GPR158: variants seen among roughly 807,000 people sequenced by gnomAD.
The protein encoded by GPR158 is G protein-coupled receptor 158, also known as metabotropic glycine receptor.
GPR158 carries 30 observed loss-of-function variants against 78.2 expected under a neutral mutation model. The ratio of observed to expected loss-of-function variants is 0.38; its 90% CI spans 0.29 to 0.52. The LOEUF is 0.52. Ranked by LOEUF, GPR158 falls within the 20% of genes least tolerant of loss-of-function variation. The probability of loss-of-function intolerance (pLI) is 0.83; values close to 1 mark genes in which losing one functional copy is unlikely to be tolerated. For synonymous variants in GPR158, 581 were observed against 591.1 expected, an observed-to-expected ratio of 0.98 and a Z score of 0.25; for missense variants, 1,463 against 1,523.5, an observed-to-expected ratio of 0.96 and a Z score of 0.66.
chr10:25,444,532 AGTG>A (rs1835113417), intron 4 of GPR158, among the ~76,000 whole-genome samples: 1 of 144,774 alleles, frequency 6.9e-6, no homozygotes, highest in African/African-American at 2.6e-5. Flanking sequence ...TGTGTGTGGA[AGTG>A]TGTGTGTGGT....
chr10:25,385,248 T>C (rs1834207175), intron 2 of GPR158, among the ~76,000 whole-genome samples: 1 of 152,192 alleles, frequency 6.6e-6, no homozygotes. Flanking sequence ...TTATTTCACC[T>C]AGCATAATGT....
At chr10:25,399,336 T>G (rs995980857) in intron 3 of GPR158, among the ~76,000 whole-genome samples, 14 of 152,172 alleles carry the variant, frequency 9.2e-5, no homozygotes, top group Non-Finnish European at 2.1e-4. Context: ...CCAAACCATA[T>G]CAGTGAGACA....
intron 2 of GPR158, among the ~76,000 whole-genome samples, chr10:25,222,617 G>A (rs1392922055): frequency 2.0e-5 from 3 of 152,158 alleles, no homozygotes; most frequent in African/African-American, 7.2e-5. Flanking sequence ...TTTCTAAGAT[G>A]TGAATTTCAA....
At chr10:25,254,999 C>T (rs1853872489) in intron 2 of GPR158, among the ~76,000 whole-genome samples, 1 of 152,136 alleles carries the variant, frequency 6.6e-6, no homozygotes, top group Non-Finnish European at 1.5e-5. Context: ...ATTCTTGCTG[C>T]AGGTTTTGTA....
chr10:25,386,697 T>G (rs1010984706), intron 2 of GPR158, among the ~76,000 whole-genome samples: 2 of 152,198 alleles, frequency 1.3e-5, no homozygotes, highest in Admixed American at 1.3e-4. Flanking sequence ...TTATTCTTTT[T>G]GATATTTTCA....
chr10:25,263,843 A>C (rs1187762935), intron 2 of GPR158, among the ~76,000 whole-genome samples: 1 of 152,224 alleles, frequency 6.6e-6, no homozygotes, highest in Non-Finnish European at 1.5e-5. Flanking sequence ...AGGCTGAGGC[A>C]GGAGAATTGC....
intron 1 of GPR158, among the ~76,000 whole-genome samples, chr10:25,217,664 C>G (rs1295561156): frequency 6.6e-6 from 1 of 152,186 alleles, no homozygotes. Context: ...CAAAGGGAGT[C>G]CAACCTATGG....
At chr10:25,284,620 T>C (rs1255162017) in intron 2 of GPR158, among the ~76,000 whole-genome samples, 3 of 151,986 alleles carry the variant, frequency 2.0e-5, no homozygotes, top group Non-Finnish European at 4.4e-5. Context: ...TTACATTTAA[T>C]GTAATTAATG....
At chr10:25,456,966 A>C (rs2130607540) in intron 4 of GPR158, among the ~76,000 whole-genome samples, 1 of 151,670 alleles carries the variant, frequency 6.6e-6, no homozygotes, top group South Asian at 2.1e-4. Context: ...TGTTTGAAAA[A>C]TAATGTTAAT....
intron 5 of GPR158, among the ~76,000 whole-genome samples, chr10:25,529,106 C>T (rs11818630): frequency 0.019 from 2,898 of 152,134 alleles, 36 homozygotes; most frequent in South Asian, 0.027. Context: ...TGAGAGCATA[C>T]GGCCAGGCAT....
intron 8 of GPR158, among the ~76,000 whole-genome samples, chr10:25,589,501 T>C (rs367958451): frequency 3.3e-4 from 51 of 152,358 alleles, no homozygotes; most frequent in African/African-American, 1.2e-3. Context: ...ACAGTTAACT[T>C]ATCTATATTT....
chr10:25,489,387 C>G (rs978723373), intron 5 of GPR158, among the ~76,000 whole-genome samples: 1 of 152,026 alleles, frequency 6.6e-6, no homozygotes, highest in African/African-American at 2.4e-5. Context: ...TTCTTCAATC[C>G]ACGAAGCAGT....
At chr10:25,316,901 G>GTA (rs765571461) in intron 2 of GPR158, among the ~76,000 whole-genome samples, 3 of 111,052 alleles carry the variant, frequency 2.7e-5, no homozygotes, top group African/African-American at 9.9e-5. Flanking sequence ...GTGTGTGTGT[G>GTA]TGTGTGTGTT....
intron 2 of GPR158, among the ~76,000 whole-genome samples, chr10:25,390,655 A>C (rs1260306305): frequency 6.6e-6 from 1 of 152,234 alleles, no homozygotes; most frequent in South Asian, 2.1e-4. Context: ...TATGATTTAT[A>C]ATTGGAACTT....
At chr10:25,420,462 T>C (rs1399580033) in intron 4 of GPR158, among the ~76,000 whole-genome samples, 1 of 152,166 alleles carries the variant, frequency 6.6e-6, no homozygotes, top group Non-Finnish European at 1.5e-5. Flanking sequence ...CCCCAGTGTC[T>C]TTAATTTTGA....
At chr10:25,290,681 C>T (rs1047106922) in intron 2 of GPR158, among the ~76,000 whole-genome samples, 9 of 151,508 alleles carry the variant, frequency 5.9e-5, no homozygotes, top group African/African-American at 1.9e-4. Flanking sequence ...GGGAGGTGGT[C>T]GTATGTATCA....
At chr10:25,547,115 A>G (rs1836670689) in intron 5 of GPR158, among the ~76,000 whole-genome samples, 1 of 152,166 alleles carries the variant, frequency 6.6e-6, no homozygotes, top group African/African-American at 2.4e-5. Context: ...ACAGTGGAAT[A>G]AGAAATAGGA....
At chr10:25,217,148 T>C (rs1853227365) in intron 1 of GPR158, among the ~76,000 whole-genome samples, 1 of 152,218 alleles carries the variant, frequency 6.6e-6, no homozygotes, top group African/African-American at 2.4e-5. Context: ...ACTGTTCTCA[T>C]AAAACTTGCA....
chr10:25,360,456 G>C (rs1207624499), intron 2 of GPR158, among the ~76,000 whole-genome samples: 1 of 152,050 alleles, frequency 6.6e-6, no homozygotes, highest in Non-Finnish European at 1.5e-5. Context: ...TCCAGTTTCA[G>C]TTTTCTGCAT....
Sources: gnomAD v4.1 joint callset for allele counts (sites outside exome capture counted in the v4.1 genomes callset) on GRCh38, gnomAD v4.1.1 for gene constraint, MANE v1.5 for transcripts, NCBI Gene and HGNC (gene_info 2026-07-23, HGNC 2026-07-21) for gene names.